Variants in PDE4D observed in about 807,000 individuals in gnomAD.
PDE4D encodes the protein phosphodiesterase 4D.
In PDE4D, 24 loss-of-function variants were observed where a neutral mutation model predicts 87.4. That is an observed-to-expected ratio of 0.27 (90% confidence interval 0.20 to 0.39). The LOEUF is 0.39. Among genes scored for constraint, PDE4D ranks in the 10% least tolerant of loss-of-function variants. PDE4D has a pLI of 1.00. For synonymous variants in PDE4D, 384 were observed against 383.2 expected (o/e 1.00, Z -0.02); for missense variants, 714 against 1,041.0 (o/e 0.69, Z 4.32).
At chr5:59,544,893 A>C (rs1232822057) in intron 1 of PDE4D, among the ~76,000 whole-genome samples, 1 of 152,142 alleles carries the variant, frequency 6.6e-6, no homozygotes. Context: ...CTTTCAACAC[A>C]CCCTTTTTGA....
intron 1 of PDE4D, among the ~76,000 whole-genome samples, chr5:59,330,728 T>G (rs1344608874): frequency 6.6e-6 from 1 of 152,188 alleles, no homozygotes; most frequent in Non-Finnish European, 1.5e-5. Context: ...CATTGAAATT[T>G]CATATGTAGA....
intron 1 of PDE4D, among the ~76,000 whole-genome samples, chr5:59,858,991 C>A (rs1020246962): frequency 6.6e-6 from 1 of 152,166 alleles, no homozygotes; most frequent in Non-Finnish European, 1.5e-5. Context: ...ACTGAAGCAA[C>A]ATGGGAATTT....
At position 59,039,315 on chromosome 5, in the gene PDE4D, A is replaced by C. The variant is rs976005955; in HGVS notation, c.809-344T>G. The C allele has an allele frequency of 5.7e-6, 6 of 1,045,998 alleles. No individual in the cohort carries two copies. The African/African-American group carries it at 1.0e-4, about 18-fold the overall frequency. The allele number at this position is 1,045,998 out of a possible 1,614,324, so 64.8% of individuals were successfully genotyped here. A position where few individuals can be genotyped will look rare whatever the true frequency, so the allele number is the denominator to read the frequency against. ...GTGCGGCGGGCCCGAGTCCCAGTCC[A>C]GGAGCCCGGCTCTAGCGGATGGCGA... On this transcript the variant is annotated intron_variant, in intron 5 of 14. Transcript: ENST00000340635.
chr5:59,297,995 G>A (rs1173305883), intron 1 of PDE4D, among the ~76,000 whole-genome samples: 1 of 152,010 alleles, frequency 6.6e-6, no homozygotes, highest in Non-Finnish European at 1.5e-5. Flanking sequence ...AAAATGGAAT[G>A]GGTTCCCTTG....
At chr5:59,682,731 C>G (rs1749231967) in intron 1 of PDE4D, among the ~76,000 whole-genome samples, 1 of 152,036 alleles carries the variant, frequency 6.6e-6, no homozygotes, top group African/African-American at 2.4e-5. Context: ...AGAAAATCTG[C>G]TTAGCACAGA....
chr5:60,517,784 C>G (rs1750868165), intron 1 of PDE4D, among the ~76,000 whole-genome samples: 2 of 152,334 alleles, frequency 1.3e-5, no homozygotes, highest in South Asian at 4.1e-4. Context: ...CCAGTTGTCC[C>G]TGTACCTCAT....
intron 1 of PDE4D, among the ~76,000 whole-genome samples, chr5:59,408,094 C>A (rs1792011605): frequency 6.6e-6 from 1 of 152,142 alleles, no homozygotes; most frequent in Admixed American, 6.5e-5. Context: ...GGGAAAAAGG[C>A]CTTTACAGCA....
chr5:59,494,230 G>A (rs1000567493), intron 1 of PDE4D, among the ~76,000 whole-genome samples: 1 of 152,156 alleles, frequency 6.6e-6, no homozygotes, highest in African/African-American at 2.4e-5. Flanking sequence ...TACTCCACTT[G>A]TGAATTTGCA....
chr5:59,049,609 G>A (rs1761232606), intron 5 of PDE4D, among the ~76,000 whole-genome samples: 1 of 152,158 alleles, frequency 6.6e-6, no homozygotes. Flanking sequence ...ACACCAGTAT[G>A]ATGTTTGGGA....
chr5:59,755,992 T>C (rs2150750195), intron 1 of PDE4D, among the ~76,000 whole-genome samples: 1 of 151,494 alleles, frequency 6.6e-6, no homozygotes, highest in East Asian at 1.9e-4. Flanking sequence ...TACTGCAATT[T>C]AAAAATGATA....
chr5:59,544,843 T>C (rs569843830), intron 1 of PDE4D, among the ~76,000 whole-genome samples: 1 of 152,332 alleles, frequency 6.6e-6, no homozygotes, highest in East Asian at 1.9e-4. Flanking sequence ...TTTCTAGATA[T>C]GAGATTGCAT....
At chr5:59,029,530 G>A (rs1427716270) in intron 6 of PDE4D, among the ~76,000 whole-genome samples, 1 of 151,236 alleles carries the variant, frequency 6.6e-6, no homozygotes, top group Non-Finnish European at 1.5e-5. Context: ...AGAAATAAAT[G>A]AAAAGATATC....
chr5:60,459,717 C>A (rs1459671488), intron 1 of PDE4D: 4 of 331,706 alleles, frequency 1.2e-5, no homozygotes, highest in African/African-American at 6.5e-5. Flanking sequence ...AAGTTGAGAA[C>A]CATGGTGTAG....
chr5:59,543,996 A>G (rs1044790506), intron 1 of PDE4D, among the ~76,000 whole-genome samples: 9 of 152,208 alleles, frequency 5.9e-5, no homozygotes, highest in African/African-American at 1.7e-4. Flanking sequence ...TGTTCCTTCA[A>G]TATTCAAACT....
chr5:59,112,016 T>C (rs576330989), intron 5 of PDE4D, among the ~76,000 whole-genome samples: 134 of 152,146 alleles, frequency 8.8e-4, no homozygotes, highest in Non-Finnish European at 1.8e-3. Flanking sequence ...AGACATGCTA[T>C]GAAACAAGCA....
intron 1 of PDE4D, among the ~76,000 whole-genome samples, chr5:60,274,134 C>T (rs998380847): frequency 6.6e-6 from 1 of 151,554 alleles, no homozygotes; most frequent in Non-Finnish European, 1.5e-5. Flanking sequence ...AAGAGGTAAA[C>T]CTTGAAAGAT....
At chr5:59,942,064 T>C (rs1757244998) in intron 3 of PDE4D, among the ~76,000 whole-genome samples, 1 of 152,220 alleles carries the variant, frequency 6.6e-6, no homozygotes, top group Non-Finnish European at 1.5e-5. Context: ...AAGCTCCATC[T>C]CCCTGAACTT....
At chr5:60,364,524 T>C (rs181297036) in intron 1 of PDE4D, among the ~76,000 whole-genome samples, 26 of 152,344 alleles carry the variant, frequency 1.7e-4, no homozygotes, top group African/African-American at 6.3e-4. Flanking sequence ...TTAAATACTA[T>C]CATAAAATAT....
chr5:59,013,716 A>G (rs1483519803), intron 6 of PDE4D, among the ~76,000 whole-genome samples: 6 of 152,242 alleles, frequency 3.9e-5, no homozygotes, highest in Admixed American at 3.9e-4. Context: ...TACCAGAGGT[A>G]CAAAGAGGAG....
Sources: allele counts gnomAD v4.1 joint callset (sites outside exome capture counted in the v4.1 genomes callset), GRCh38; gene constraint gnomAD v4.1.1; transcripts MANE v1.5; gene names NCBI Gene and HGNC (gene_info 2026-07-23, HGNC 2026-07-21).